Variants in LUZP2 observed in about 807,000 individuals in gnomAD.
LUZP2 encodes the protein leucine zipper protein 2.
Under a neutral mutation model 51.6 loss-of-function variants are expected in LUZP2, and 52 were observed. The ratio of observed to expected loss-of-function variants is 1.01; its 90% CI spans 0.81 to 1.27. LUZP2 has a LOEUF of 1.27. LUZP2 is among the 50% of genes most tolerant of loss of function. LUZP2 has a pLI of 0.00. For missense variants in LUZP2, 436 were observed against 395.4 expected (o/e 1.10, Z -0.87); for synonymous variants, 154 against 137.3 (o/e 1.12, Z -0.85).
intron 1 of LUZP2, among the ~76,000 whole-genome samples, chr11:24,581,197 C>CA (rs74259786): frequency 0.02 from 1,370 of 69,972 alleles, 16 homozygotes; most frequent in Non-Finnish European, 0.024. Context: ...TTTCACTGGC[C>CA]AAAAAAAAAA....
At chr11:24,819,292 A>G (rs531800107) in intron 5 of LUZP2, among the ~76,000 whole-genome samples, 14 of 152,042 alleles carry the variant, frequency 9.2e-5, no homozygotes, top group Non-Finnish European at 1.3e-4. Flanking sequence ...CCTCCATAAT[A>G]CCTAAGGGAT....
At chr11:24,941,397 G>A (rs901130193) in intron 7 of LUZP2, among the ~76,000 whole-genome samples, 6 of 151,824 alleles carry the variant, frequency 4.0e-5, no homozygotes, top group South Asian at 4.2e-4. Flanking sequence ...CTTTAAATAC[G>A]CAAATATAAA....
At chr11:24,655,463 G>A (rs761565505) in intron 1 of LUZP2, among the ~76,000 whole-genome samples, 1 of 151,922 alleles carries the variant, frequency 6.6e-6, no homozygotes, top group Non-Finnish European at 1.5e-5. Flanking sequence ...GGGATTGATC[G>A]CATGGTGATT....
At chr11:24,973,751 T>C (rs571996168) in intron 7 of LUZP2, among the ~76,000 whole-genome samples, 5 of 152,118 alleles carry the variant, frequency 3.3e-5, no homozygotes, top group Admixed American at 6.6e-5. Flanking sequence ...TTTGAGTGAA[T>C]TTCTTAGTCT....
chr11:24,519,317 G>C (rs10466431), intron 1 of LUZP2, among the ~76,000 whole-genome samples: 8,390 of 152,144 alleles, frequency 0.055, 617 homozygotes, highest in African/African-American at 0.16. Context: ...GAGCTTTGGA[G>C]ACTCCTGTAC....
At chr11:24,924,512 C>CT (rs1328525817) in intron 7 of LUZP2, among the ~76,000 whole-genome samples, 1 of 152,064 alleles carries the variant, frequency 6.6e-6, no homozygotes, top group Non-Finnish European at 1.5e-5. Context: ...TTTTATGATC[C>CT]TTTTTCCTGG....
At chr11:24,833,375 A>C (rs1425501927) in intron 5 of LUZP2, among the ~76,000 whole-genome samples, 1 of 151,792 alleles carries the variant, frequency 6.6e-6, no homozygotes, top group Non-Finnish European at 1.5e-5. Flanking sequence ...AATTTTGCTG[A>C]GAAATAAATT....
chr11:24,535,199 A>G lies in LUZP2; in HGVS notation c.62+37894A>G, dbSNP rs146953664. Among the ~76,000 whole-genome samples, 328 of 151,294 alleles carry G rather than the reference A, an allele frequency of 2.2e-3. 6 individuals carry two copies. The highest frequency in any genetic ancestry group is 7.4e-4 in the Non-Finnish European group (50 of 67,584). The stretch of plus-strand genomic sequence containing the variant: ...AGCAATTCCTAAATCCTGTTTTGCT[A>G]GTGGAAAGTTTTACCTCAATGTTGA... On this transcript the variant is annotated intron_variant, in intron 1 of 11. Transcript: ENST00000336930.
intron 5 of LUZP2, among the ~76,000 whole-genome samples, chr11:24,817,552 G>A (rs138161281): frequency 9.9e-5 from 15 of 151,898 alleles, no homozygotes; most frequent in Non-Finnish European, 1.8e-4. Context: ...TGTCTTCAAC[G>A]CCCACATATT....
intron 5 of LUZP2, among the ~76,000 whole-genome samples, chr11:24,776,007 A>G (rs1466086459): frequency 6.6e-6 from 1 of 152,190 alleles, no homozygotes; most frequent in Non-Finnish European, 1.5e-5. Context: ...AAGCAGTGTT[A>G]TGTACAGATA....
intron 5 of LUZP2, among the ~76,000 whole-genome samples, chr11:24,812,335 C>T (rs1850046456): frequency 6.6e-6 from 1 of 152,108 alleles, no homozygotes; most frequent in Admixed American, 6.6e-5. Flanking sequence ...TTAAGAGATA[C>T]ATGGGCCTGT....
intron 9 of LUZP2, among the ~76,000 whole-genome samples, chr11:25,007,107 T>A (rs984562438): frequency 1.7e-4 from 25 of 150,714 alleles, no homozygotes; most frequent in Non-Finnish European, 1.5e-5. Context: ...TACAGAGTGC[T>A]GATTGGTGCA....
chr11:25,057,499 T>C (rs554436957), intron 10 of LUZP2, among the ~76,000 whole-genome samples: 19 of 152,136 alleles, frequency 1.2e-4, no homozygotes, highest in African/African-American at 4.3e-4. Flanking sequence ...TGGAGTCACA[T>C]TGAGAAAGCA....
At chr11:24,985,013 A>G (rs1178106120) in intron 9 of LUZP2, among the ~76,000 whole-genome samples, 1 of 151,668 alleles carries the variant, frequency 6.6e-6, no homozygotes, top group Non-Finnish European at 1.5e-5. Context: ...TAGAAAATTC[A>G]TTTGAAATAC....
chr11:24,854,873 G>T (rs1851509299), intron 5 of LUZP2, among the ~76,000 whole-genome samples: 1 of 152,118 alleles, frequency 6.6e-6, no homozygotes, highest in Non-Finnish European at 1.5e-5. Context: ...GCTTCCCTTG[G>T]CTAGGGGTGG....
At chr11:24,619,288 CCT>C (rs1854412064) in intron 1 of LUZP2, among the ~76,000 whole-genome samples, 1 of 152,134 alleles carries the variant, frequency 6.6e-6, no homozygotes, top group African/African-American at 2.4e-5. Context: ...CCTGCCTCAG[CCT>C]CCCAAAATAC....
chr11:24,754,634 C>T (rs763213087), intron 4 of LUZP2, among the ~76,000 whole-genome samples: 3 of 152,142 alleles, frequency 2.0e-5, no homozygotes, highest in Admixed American at 6.6e-5. Flanking sequence ...GCATATGAAG[C>T]ATATCAACTG....
intron 5 of LUZP2, among the ~76,000 whole-genome samples, chr11:24,879,851 C>G (rs984597560): frequency 8.4e-6 from 1 of 119,170 alleles, no homozygotes; most frequent in Non-Finnish European, 1.9e-5. Context: ...CCTCTTTAAT[C>G]TACCCTCTCC....
At chr11:24,722,856 G>T (rs1225792008) in intron 1 of LUZP2, among the ~76,000 whole-genome samples, 4 of 151,748 alleles carry the variant, frequency 2.6e-5, no homozygotes, top group African/African-American at 4.8e-5. Flanking sequence ...CGTGGAGGTT[G>T]CAGTGAGCCG....
Sources: gnomAD v4.1 joint callset for allele counts (sites outside exome capture counted in the v4.1 genomes callset) on GRCh38, gnomAD v4.1.1 for gene constraint, MANE v1.5 for transcripts, NCBI Gene and HGNC (gene_info 2026-07-23, HGNC 2026-07-21) for gene names.